The following MED14 variants were observed in gnomAD, a reference collection of about 807,000 sequenced individuals.
MED14 encodes the protein mediator complex subunit 14.
A neutral mutation model predicts 109.0 loss-of-function variants in MED14; 8 were observed. The observed-to-expected ratio is 0.07, with a 90% CI of 0.04 to 0.13. The LOEUF is 0.13. Ranked by LOEUF, MED14 falls within the 10% of genes least tolerant of loss-of-function variation. MED14 has a pLI of 1.00. For missense variants in MED14, 711 were observed against 1,142.4 expected, an observed-to-expected ratio of 0.62 and a Z score of 5.44; for synonymous variants, 399 against 408.7, an observed-to-expected ratio of 0.98 and a Z score of 0.29.
At chrX:40,709,892 T>A (rs903186017) in intron 9 of MED14, 87 bp downstream of exon 9, 57 of 585,646 alleles carry the variant, frequency 9.7e-5, no homozygotes, top group Non-Finnish European at 1.3e-4. Flanking sequence ...GAATTAGATA[T>A]TTTTAAAAAT....
Position 40,649,663 on chromosome X carries a change from T to C in MED14, c.*2143A>G, listed in dbSNP as rs1928785425. On this transcript the variant is annotated 3_prime_UTR_variant, in exon 31 of 31. Transcript: ENST00000324817. ...AAAATCACTTGGGCATCCAGTCCCC[T>C]TGATCGAACCTGGGTAACAAAAGAG... 2 of 931,002 alleles carry C rather than the reference T, an allele frequency of 2.1e-6. No individual in the cohort carries two copies. The highest frequency in any genetic ancestry group is 4.6e-5 in the Admixed American group (1 of 21,620). The allele number at this position is 931,002 out of a possible 1,213,427, so 76.7% of individuals were successfully genotyped here. A position where few individuals can be genotyped will look rare whatever the true frequency, so the allele number is the denominator to read the frequency against.
At position 40,703,421 on chromosome X, in the gene MED14, GATT is replaced by G; in HGVS notation, c.1411+20_1411+22del. On this transcript the variant is annotated intron_variant, in intron 11 of 30. Coordinates refer to ENST00000324817, the MANE Select transcript of MED14 (RefSeq NM_004229.4). ...AAAAATAATTTTTCTTACATTGAAT[GATT>G]ATATCATTTAGTAACTTACCAAGTC... 1 of 1,136,626 alleles carries G rather than the reference GATT, an allele frequency of 8.8e-7. No individual in the cohort carries two copies. The highest frequency in any genetic ancestry group is 1.2e-6 in the Non-Finnish European group (1 of 834,740). 93.7% of individuals were successfully genotyped at this position (1,136,626 alleles called of 1,213,427 possible).
chrX:40,672,755 TCTA>T (rs1392561259), intron 22 of MED14, among the ~76,000 whole-genome samples: 1 of 111,035 alleles, frequency 9.0e-6, no homozygotes, highest in African/African-American at 3.3e-5. Context: ...AACCAGATTG[TCTA>T]CTTTTTTTTT....
intron 30 of MED14, among the ~76,000 whole-genome samples, chrX:40,653,285 G>A (rs1379048967): frequency 1.8e-5 from 2 of 111,719 alleles, no homozygotes; most frequent in African/African-American, 6.5e-5. Flanking sequence ...GCTGAAAGAA[G>A]AGAGAAGTCA....
intron 12 of MED14, among the ~76,000 whole-genome samples, chrX:40,698,806 T>C (rs767947490): frequency 1.8e-5 from 2 of 112,333 alleles, no homozygotes; most frequent in Non-Finnish European, 1.9e-5. Flanking sequence ...TCTCGCAACA[T>C]TACTGATGAG....
intron 27 of MED14, 39 bp downstream of exon 27, chrX:40,659,389 C>A (rs1929185415): frequency 8.4e-7 from 1 of 1,184,025 alleles, no homozygotes; most frequent in Non-Finnish European, 1.1e-6. Flanking sequence ...GCTTCTGTTT[C>A]ATTAATTATA....
At chrX:40,679,077 T>C (rs887181225) in intron 21 of MED14, among the ~76,000 whole-genome samples, 1 of 111,943 alleles carries the variant, frequency 8.9e-6, no homozygotes, top group Non-Finnish European at 1.9e-5. Context: ...TAAAAACACA[T>C]ACAACTGAGC....
At chrX:40,670,035 A>G (rs1040157474) in intron 23 of MED14, among the ~76,000 whole-genome samples, 1 of 112,080 alleles carries the variant, frequency 8.9e-6, no homozygotes, top group African/African-American at 3.2e-5. Flanking sequence ...CCCCCAAATA[A>G]AAGTGAATTT....
chrX:40,735,327 G>C lies in MED14; in HGVS notation c.86C>G (p.Ala29Gly). The change falls in exon 1 of 31, where the codon GCC (alanine) becomes GGC (glycine). Residue 29 changes from alanine (A) to glycine (G), a missense_variant. By Grantham distance (60) the Ala-to-Gly change is moderately conservative (BLOSUM62 0). Coordinates refer to ENST00000324817, the MANE Select transcript of MED14 (RefSeq NM_004229.4). ...CACGGCGGCTCCCGGGGGAGGAGGG[G>C]CTGGGGCTGACGGGGGTCCGCCGCT... ...GGSGGPPSAP[A>G]PPPPGAAVAA... 2 of 1,109,250 alleles carry C rather than the reference G, an allele frequency of 1.8e-6. No homozygotes were observed. Among genetic ancestry groups the C allele is most frequent in the Non-Finnish European group, 2.4e-6 (2 of 846,000 alleles). The allele number at this position is 1,109,250 out of a possible 1,213,427, so 91.4% of individuals were successfully genotyped here. A position where few individuals can be genotyped will look rare whatever the true frequency, so the allele number is the denominator to read the frequency against.
chrX:40,705,889 A>G (rs1931122935), intron 10 of MED14, among the ~76,000 whole-genome samples: 1 of 111,529 alleles, frequency 9.0e-6, no homozygotes, highest in Non-Finnish European at 1.9e-5. Context: ...CAACTGGGCC[A>G]TATCTCAAGT....
intron 26 of MED14, 160 bp from the exon 27 acceptor site, chrX:40,659,767 G>C: frequency 2.4e-6 from 1 of 420,782 alleles, no homozygotes; most frequent in Non-Finnish European, 4.0e-6. Flanking sequence ...TGCAAAAAGA[G>C]ATGCGATCAG....
At position 40,661,311 on chromosome X, in the gene MED14, G is replaced by A. The variant is rs762098474; in HGVS notation, c.3684+1614C>T. Among the ~76,000 whole-genome samples the A allele has an allele frequency of 4.7e-5, 5 of 106,951 alleles. No individual in the cohort carries two copies. The East Asian group carries it at 1.1e-3, about 24-fold the overall frequency. 92.9% of individuals were successfully genotyped at this position (106,951 alleles called of 115,157 possible). On this transcript the variant is annotated intron_variant, in intron 26 of 30. Coordinates refer to ENST00000324817, the MANE Select transcript of MED14 (RefSeq NM_004229.4). ...TGGCCAGGCTGGTCTCGAACTCCTG[G>A]GCTCAAGTGATCCGCCTGCCTCAGC...
intron 28 of MED14, among the ~76,000 whole-genome samples, chrX:40,655,468 A>G (rs1266413825): frequency 9.0e-6 from 1 of 111,263 alleles, no homozygotes; most frequent in Non-Finnish European, 1.9e-5. Flanking sequence ...AGGTCCTACA[A>G]CATGGTTCCA....
At chrX:40,663,207 C>T (rs998038806) in intron 25 of MED14, 47 bp from the exon 26 acceptor site, 10 of 948,876 alleles carry the variant, frequency 1.1e-5, no homozygotes, top group Non-Finnish European at 1.3e-5. Flanking sequence ...TACATACTAT[C>T]TCATTGCTTC....
intron 10 of MED14, among the ~76,000 whole-genome samples, chrX:40,707,289 C>T (rs1290920129): frequency 2.7e-5 from 3 of 112,107 alleles, no homozygotes; most frequent in Admixed American, 9.5e-5. Context: ...CATATCCTCA[C>T]GTAAAAGAAT....
At chrX:40,709,190 T>C (rs901491392) in intron 10 of MED14, among the ~76,000 whole-genome samples, 158 bp downstream of exon 10, 1 of 112,280 alleles carries the variant, frequency 8.9e-6, no homozygotes, top group Non-Finnish European at 1.9e-5. Flanking sequence ...AGGGAAAAAT[T>C]AGCATAAGTT....
intron 12 of MED14, among the ~76,000 whole-genome samples, chrX:40,700,006 T>C (rs1158050033): frequency 9.2e-6 from 1 of 109,081 alleles, no homozygotes; most frequent in Non-Finnish European, 1.9e-5. Context: ...AAAATTAGTT[T>C]GGCATGGTGG....
chrX:40,719,197 A>G (rs972497405), intron 3 of MED14, among the ~76,000 whole-genome samples: 1 of 112,120 alleles, frequency 8.9e-6, no homozygotes, highest in Non-Finnish European at 1.9e-5. Context: ...ACTTCCATAC[A>G]TTGCTGGTGG....
chrX:40,660,442 ACTTTTT>A (rs1387061801), intron 26 of MED14, among the ~76,000 whole-genome samples: 1 of 112,202 alleles, frequency 8.9e-6, no homozygotes, highest in Non-Finnish European at 1.9e-5. Flanking sequence ...GGGTCGACAA[ACTTTTT>A]CTGTAAAGTG....
Sources: gnomAD v4.1 joint callset for allele counts (sites outside exome capture counted in the v4.1 genomes callset) on GRCh38, gnomAD v4.1.1 for gene constraint, MANE v1.5 for transcripts, NCBI Gene and HGNC (gene_info 2026-07-23, HGNC 2026-07-21) for gene names.